The following THSD7B variants were observed in gnomAD, a reference collection of about 807,000 sequenced individuals.
The protein encoded by THSD7B is thrombospondin type-1 domain-containing protein 7B.
Under a neutral mutation model 213.6 loss-of-function variants are expected in THSD7B, and 138 were observed. The ratio of observed to expected loss-of-function variants is 0.65; its 90% CI spans 0.56 to 0.74. The LOEUF (loss-of-function observed/expected upper bound fraction) is 0.74, where lower values mean the gene tolerates loss of function less well. Among genes scored for constraint, THSD7B ranks in the 30% least tolerant of loss-of-function variants. The pLI is 0.00. For missense variants in THSD7B, 1,931 were observed against 1,991.5 expected (o/e 0.97, Z 0.58); for synonymous variants, 742 against 687.0 (o/e 1.08, Z -1.25).
At chr2:137,418,907 G>A (rs1037773852) in intron 14 of THSD7B, among the ~76,000 whole-genome samples, 3 of 114,992 alleles carry the variant, frequency 2.6e-5, no homozygotes, top group African/African-American at 8.9e-5. Context: ...TTGTGTATAT[G>A]TCTCACTTTT....
intron 1 of THSD7B, among the ~76,000 whole-genome samples, chr2:136,873,791 C>T (rs1490154552): frequency 1.3e-5 from 2 of 152,122 alleles, no homozygotes; most frequent in African/African-American, 4.8e-5. Flanking sequence ...CTGTAGCATC[C>T]TTCATTCCTA....
chr2:137,308,027 A>C (rs545716959), intron 12 of THSD7B, among the ~76,000 whole-genome samples: 1 of 152,094 alleles, frequency 6.6e-6, no homozygotes, highest in East Asian at 1.9e-4. Context: ...TTATCAATCT[A>C]TCCCGATGCT....
At chr2:136,821,909 A>G (rs1367324234) in intron 1 of THSD7B, among the ~76,000 whole-genome samples, 1 of 152,188 alleles carries the variant, frequency 6.6e-6, no homozygotes, top group Non-Finnish European at 1.5e-5. Flanking sequence ...CATAGGACCT[A>G]GTAAGACTTC....
rs116588491 is a variant in THSD7B at position 137,215,874 on chromosome 2, T to C, written c.1724-15170T>C. On this transcript the variant is annotated intron_variant, in intron 7 of 27. Transcript: ENST00000409968. ...AAATTATGCATTCCTTAAATAGGTT[T>C]TTAGATTAAGCTATGTGATAGGCCC... Among the ~76,000 whole-genome samples, 459 of 152,272 alleles carry C rather than the reference T, an allele frequency of 3.0e-3. 3 individuals carry two copies. The highest frequency in any genetic ancestry group is 0.01 in the African/African-American group (436 of 41,554).
chr2:137,050,123 A>G (rs1408711127), intron 2 of THSD7B, among the ~76,000 whole-genome samples: 4 of 152,152 alleles, frequency 2.6e-5, no homozygotes, highest in Non-Finnish European at 5.9e-5. Flanking sequence ...CCACTCCTAC[A>G]TTCTAGGAGG....
At chr2:137,315,927 A>G (rs1684087800) in intron 12 of THSD7B, among the ~76,000 whole-genome samples, 1 of 152,164 alleles carries the variant, frequency 6.6e-6, no homozygotes, top group African/African-American at 2.4e-5. Flanking sequence ...AACACCTAGT[A>G]TGCTATTTTT....
chr2:136,887,470 A>AG (rs1483789183), intron 2 of THSD7B, among the ~76,000 whole-genome samples: 1 of 152,110 alleles, frequency 6.6e-6, no homozygotes, highest in Non-Finnish European at 1.5e-5. Flanking sequence ...TTGGATCATG[A>AG]GGGGGGATCC....
chr2:137,346,144 A>G (rs1194523270), intron 12 of THSD7B, among the ~76,000 whole-genome samples: 1 of 151,644 alleles, frequency 6.6e-6, no homozygotes, highest in East Asian at 1.9e-4. Context: ...TTTTAAGTTT[A>G]CAGTGCCTAG....
At position 137,231,239 on chromosome 2, in the gene THSD7B, A is replaced by T. The variant is rs749580249; in HGVS notation, c.1915+4A>T. ...ATCCTGGCACTGGCTGGGGAAGGTG[A>T]GTAACAGAAAAGGTTTTCACTTTGG... On this transcript the variant is annotated splice_donor_region_variant and intron_variant, in intron 8 of 27. Transcript: ENST00000409968. 3.9e-5 allele frequency: 63 copies of T among 1,598,902 alleles called. No homozygotes were observed. The highest frequency in any genetic ancestry group is 5.1e-5 in the Non-Finnish European group (60 of 1,171,696).
Position 137,404,430 on chromosome 2 carries a change from GATATATATATATATAT to G in THSD7B, c.2501-1153_2501-1138del, listed in dbSNP as rs59001356. On this transcript the variant is annotated intron_variant, in intron 12 of 27. Coordinates refer to ENST00000409968, the MANE Select transcript of THSD7B (RefSeq NM_001316349.2). ...CAATGAGTGGATAAAGAAACTCTGA[GATATATATATATATAT>G]ATATATATATATATATATATATATA... 5.4e-3 allele frequency among the ~76,000 whole-genome samples: 265 copies of G among 49,308 alleles called. 3 individuals carry two copies. Among genetic ancestry groups the G allele is most frequent in the East Asian group, 9.4e-3 (12 of 1,270 alleles). The allele number at this position is 49,308 out of a possible 152,430, so 32.3% of individuals were successfully genotyped here. A position where few individuals can be genotyped will look rare whatever the true frequency, so the allele number is the denominator to read the frequency against.
At chr2:137,027,225 A>G (rs767013821) in intron 2 of THSD7B, among the ~76,000 whole-genome samples, 21 of 152,180 alleles carry the variant, frequency 1.4e-4, no homozygotes, top group Non-Finnish European at 2.4e-4. Context: ...AGACCTCATA[A>G]TATAATGGCT....
intron 2 of THSD7B, among the ~76,000 whole-genome samples, chr2:137,024,379 C>T (rs1257378409): frequency 6.6e-6 from 1 of 152,076 alleles, no homozygotes; most frequent in East Asian, 1.9e-4. Flanking sequence ...TTTTGTTCAG[C>T]CTGAGGCAGG....
intron 2 of THSD7B, among the ~76,000 whole-genome samples, chr2:136,910,457 A>G (rs1684238102): frequency 6.6e-6 from 1 of 152,208 alleles, no homozygotes; most frequent in African/African-American, 2.4e-5. Flanking sequence ...GTTGAACCTC[A>G]AGAATGTTTT....
At chr2:136,948,750 T>C (rs553903749) in intron 2 of THSD7B, among the ~76,000 whole-genome samples, 1 of 152,316 alleles carries the variant, frequency 6.6e-6, no homozygotes, top group African/African-American at 2.4e-5. Context: ...TTACAGATGT[T>C]TTTCTTATTT....
chr2:137,032,015 T>C (rs943150768), intron 2 of THSD7B, among the ~76,000 whole-genome samples: 61 of 152,148 alleles, frequency 4.0e-4, no homozygotes, highest in African/African-American at 1.4e-3. Flanking sequence ...GATTTTTGTA[T>C]TTTTTTGTGG....
intron 3 of THSD7B, among the ~76,000 whole-genome samples, chr2:137,062,028 T>C (rs1271362958): frequency 1.3e-5 from 2 of 151,810 alleles, no homozygotes; most frequent in Non-Finnish European, 3.0e-5. Context: ...TTTTAACAGA[T>C]TTAGGACTAT....
At chr2:136,865,732 G>C (rs577565733) in intron 1 of THSD7B, among the ~76,000 whole-genome samples, 1 of 152,312 alleles carries the variant, frequency 6.6e-6, no homozygotes, top group African/African-American at 2.4e-5. Flanking sequence ...CATCAGTTAG[G>C]AAGATGTCAT....
chr2:137,673,967 C>T (rs1683639371), intron 27 of THSD7B, among the ~76,000 whole-genome samples: 1 of 152,184 alleles, frequency 6.6e-6, no homozygotes, highest in African/African-American at 2.4e-5. Flanking sequence ...CAAGGCCTAC[C>T]TATTAGTAGC....
chr2:137,029,551 T>C (rs1292738732), intron 2 of THSD7B, among the ~76,000 whole-genome samples: 1 of 152,270 alleles, frequency 6.6e-6, no homozygotes, highest in African/African-American at 2.4e-5. Flanking sequence ...TATAGCAAAG[T>C]CTGCATCTCC....
Sources: gnomAD v4.1 joint callset for allele counts (sites outside exome capture counted in the v4.1 genomes callset) on GRCh38, gnomAD v4.1.1 for gene constraint, MANE v1.5 for transcripts, NCBI Gene and HGNC (gene_info 2026-07-23, HGNC 2026-07-21) for gene names.